MAST4: variants seen among roughly 807,000 people sequenced by gnomAD.
MAST4 encodes microtubule associated serine/threonine kinase family member 4, also known as microtubule-associated serine/threonine-protein kinase 4.
Under a neutral mutation model 162.7 loss-of-function variants are expected in MAST4, and 89 were observed. The observed-to-expected ratio is 0.55, with a 90% CI of 0.46 to 0.65. MAST4 has a LOEUF of 0.65. Among genes scored for constraint, MAST4 ranks in the 30% least tolerant of loss-of-function variants. The probability of loss-of-function intolerance (pLI) is 0.00; values close to 1 mark genes in which losing one functional copy is unlikely to be tolerated. For missense variants in MAST4, 3,153 were observed against 3,374.0 expected (o/e 0.93, Z 1.62); for synonymous variants, 1,479 against 1,361.1 (o/e 1.09, Z -1.91).
chr5:66,803,465 G>A (rs1756021832), intron 3 of MAST4, among the ~76,000 whole-genome samples: 1 of 141,822 alleles, frequency 7.1e-6, no homozygotes, highest in Non-Finnish European at 1.6e-5. Context: ...TCAATTGGGG[G>A]AAATTGACAT....
At chr5:66,778,723 C>T (rs959787596) in intron 2 of MAST4, among the ~76,000 whole-genome samples, 3 of 152,160 alleles carry the variant, frequency 2.0e-5, no homozygotes, top group African/African-American at 7.2e-5. Context: ...ATGACTTTAT[C>T]TTTGAATCAC....
intron 4 of MAST4, among the ~76,000 whole-genome samples, chr5:67,033,876 A>G (rs1581270398): frequency 6.6e-6 from 1 of 152,106 alleles, no homozygotes; most frequent in Non-Finnish European, 1.5e-5. Flanking sequence ...TATGCCATCC[A>G]TCTGCAGATG....
chr5:66,945,688 T>C (rs1239313711), intron 4 of MAST4, among the ~76,000 whole-genome samples: 2 of 152,146 alleles, frequency 1.3e-5, no homozygotes, highest in African/African-American at 4.8e-5. Context: ...GGAAAGCTTC[T>C]AACACTGAGC....
At chr5:66,853,869 G>T (rs547097576) in intron 3 of MAST4, among the ~76,000 whole-genome samples, 1 of 152,142 alleles carries the variant, frequency 6.6e-6, no homozygotes, top group South Asian at 2.1e-4. Context: ...AACATAAAGT[G>T]CATTTAATTT....
intron 5 of MAST4, among the ~76,000 whole-genome samples, chr5:67,059,521 A>G (rs1328861628): frequency 1.3e-5 from 2 of 152,194 alleles, no homozygotes; most frequent in African/African-American, 4.8e-5. Context: ...GAGCTCTAAG[A>G]GTGATACTTA....
chr5:67,149,372 C>T lies in MAST4; in HGVS notation c.3095-17C>T, dbSNP rs1771505717. The T allele has an allele frequency of 6.2e-7, 1 of 1,605,732 alleles. No individual in the cohort carries two copies. Among genetic ancestry groups the T allele is most frequent in the Non-Finnish European group, 8.5e-7 (1 of 1,175,894 alleles). The stretch of plus-strand genomic sequence containing the variant: ...CTGGATTTTCCTGAATGTGTTTATC[C>T]CTTCTTCTTTGTACAGTTGGCAGTT... On this transcript the variant is annotated splice_polypyrimidine_tract_variant and intron_variant, in intron 23 of 28. Transcript: ENST00000403625.
At chr5:67,075,726 A>G (rs1174481728) in intron 5 of MAST4, among the ~76,000 whole-genome samples, 1 of 152,214 alleles carries the variant, frequency 6.6e-6, no homozygotes, top group Non-Finnish European at 1.5e-5. Flanking sequence ...CATAAAATAT[A>G]AAAGCTAAGC....
chr5:66,677,910 A>G (rs554205733), intron 1 of MAST4, among the ~76,000 whole-genome samples: 122 of 152,274 alleles, frequency 8.0e-4, no homozygotes, highest in African/African-American at 2.7e-3. Context: ...TTGAAAATGC[A>G]GATTCCCGCA....
At chr5:66,940,349 T>C (rs888221301) in intron 4 of MAST4, among the ~76,000 whole-genome samples, 6 of 152,134 alleles carry the variant, frequency 3.9e-5, no homozygotes, top group Non-Finnish European at 8.8e-5. Context: ...CAAAAGATTA[T>C]CCATAGCAGT....
intron 1 of MAST4, among the ~76,000 whole-genome samples, chr5:66,629,021 T>C (rs570861312): frequency 6.6e-6 from 1 of 152,314 alleles, no homozygotes; most frequent in South Asian, 2.1e-4. Context: ...TTATCATTTT[T>C]TGGAGAAAAA....
rs551985170 is a variant in MAST4 at position 67,054,307 on chromosome 5, T to C, written c.675-97T>C. ...TAATTTTAACAATAACATGAGCAGATAGGTTGCTCAACCTGGTCCATGTCT... is the reference window on the plus strand; with the variant it reads ...TAATTTTAACAATAACATGAGCAGACAGGTTGCTCAACCTGGTCCATGTCT... On this transcript the variant is annotated intron_variant, in intron 4 of 28. Coordinates refer to ENST00000403625, the MANE Select transcript of MAST4 (RefSeq NM_001164664.2). 4.2e-4 allele frequency: 368 copies of C among 866,752 alleles called. 1 individual carries two copies. Among genetic ancestry groups the C allele is most frequent in the Non-Finnish European group, 6.1e-4 (343 of 564,086 alleles). 53.7% of individuals were successfully genotyped at this position (866,752 alleles called of 1,614,324 possible).
At chr5:67,082,668 C>T (rs1762811823) in intron 5 of MAST4, among the ~76,000 whole-genome samples, 2 of 152,014 alleles carry the variant, frequency 1.3e-5, no homozygotes, top group Non-Finnish European at 2.9e-5. Context: ...ATTGTATTTC[C>T]TAATTTTGAA....
chr5:66,854,296 TATC>T, intron 3 of MAST4, among the ~76,000 whole-genome samples: 1 of 152,318 alleles, frequency 6.6e-6, no homozygotes, highest in East Asian at 1.9e-4. Flanking sequence ...GGTGATTTAA[TATC>T]ATGATTAGTG....
At chr5:66,640,183 C>A (rs1745395010) in intron 1 of MAST4, among the ~76,000 whole-genome samples, 1 of 152,144 alleles carries the variant, frequency 6.6e-6, no homozygotes, top group African/African-American at 2.4e-5. Flanking sequence ...CATCCTGTGT[C>A]TGGCTTTCTT....
chr5:66,637,415 G>A (rs558580383), intron 1 of MAST4, among the ~76,000 whole-genome samples: 1 of 152,108 alleles, frequency 6.6e-6, no homozygotes, highest in South Asian at 2.1e-4. Flanking sequence ...CTTTAAAAAA[G>A]TAATATAATG....
chr5:66,885,817 C>T (rs1426051483), intron 3 of MAST4, among the ~76,000 whole-genome samples: 3 of 152,170 alleles, frequency 2.0e-5, no homozygotes, highest in African/African-American at 4.8e-5. Context: ...CTACCTATTA[C>T]GTAGATGAGT....
chr5:66,901,122 T>C (rs1026650261), intron 4 of MAST4, among the ~76,000 whole-genome samples: 2 of 152,128 alleles, frequency 1.3e-5, no homozygotes, highest in African/African-American at 4.8e-5. Context: ...AACTTTTTGA[T>C]ATTTCCCATC....
chr5:66,608,287 C>T (rs535391953), intron 1 of MAST4, among the ~76,000 whole-genome samples: 1 of 149,868 alleles, frequency 6.7e-6, no homozygotes, highest in South Asian at 2.1e-4. Flanking sequence ...AGCTCCTGAC[C>T]TCAGGTGATC....
chr5:66,780,376 T>C (rs1184767637), intron 2 of MAST4, among the ~76,000 whole-genome samples: 1 of 152,226 alleles, frequency 6.6e-6, no homozygotes, highest in East Asian at 1.9e-4. Flanking sequence ...AGAATGAAGC[T>C]GCAGACCTTC....
Sources: gnomAD v4.1 joint callset for allele counts (sites outside exome capture counted in the v4.1 genomes callset) on GRCh38, gnomAD v4.1.1 for gene constraint, MANE v1.5 for transcripts, NCBI Gene and HGNC (gene_info 2026-07-23, HGNC 2026-07-21) for gene names.